GABRQ: variants seen among roughly 807,000 people sequenced by gnomAD.
GABRQ encodes the protein gamma-aminobutyric acid receptor subunit theta.
GABRQ carries 19 observed loss-of-function variants against 30.5 expected under a neutral mutation model. The ratio of observed to expected loss-of-function variants is 0.62; its 90% CI spans 0.43 to 0.91. The LOEUF (loss-of-function observed/expected upper bound fraction) is 0.91. GABRQ is among the 40% of genes least tolerant of loss of function. GABRQ has a pLI of 0.00. For synonymous variants in GABRQ, 187 were observed against 210.2 expected (o/e 0.89, Z 0.95); for missense variants, 520 against 521.4 (o/e 1.00, Z 0.03).
intron 3 of GABRQ, 47 bp downstream of exon 3, chrX:152,645,641 A>G: frequency 1.4e-6 from 1 of 727,809 alleles, no homozygotes; most frequent in Non-Finnish European, 2.2e-6. Flanking sequence ...GAGGACATGG[A>G]ACAAGCAGCA....
rs782726466 is a variant in GABRQ, at chrX:152,652,627, T to G, written c.1245T>G (p.Gly415=). The part of the protein sequence containing the change: ...QAPLASPESL[G]SLTSTSEQAQ... Reference sequence around the variant, plus strand: ...CCCTGGCAAGCCCGGAAAGCCTCGGTTCTTTGACGTCCACCTCCGAGCAGG... The same window carrying G: ...CCCTGGCAAGCCCGGAAAGCCTCGGGTCTTTGACGTCCACCTCCGAGCAGG... Residue 415 remains glycine, a synonymous_variant, in exon 9 of 9, where the codon GGT becomes GGG. Transcript: ENST00000598523. The G allele has an allele frequency of 4.1e-6, 5 of 1,209,599 alleles. No homozygotes were observed. Among genetic ancestry groups the G allele is most frequent in the Non-Finnish European group, 4.5e-6 (4 of 894,215 alleles).
Position 152,652,743 on chromosome X carries a change from C to T in GABRQ, c.1361C>T (p.Pro454Leu), listed in dbSNP as rs782416882. ...LATGESLSDLPSTSEQARHSY... is the reference protein window; with the variant it reads ...LATGESLSDLLSTSEQARHSY... ...ACTGGAGAAAGCCTGAGCGATCTCC[C>T]CTCCACCTCAGAGCAGGCCCGGCAC... Residue 454 changes from proline to leucine, a missense_variant, in exon 9 of 9, where the codon CCC becomes CTC. Transcript: ENST00000598523. 1.1e-5 allele frequency: 13 copies of T among 1,209,564 alleles called. No individual in the cohort carries two copies. In the Admixed American group the frequency reaches 2.4e-4, roughly 22 times the overall value.
chrX:152,654,964 T>C lies in GABRQ; in HGVS notation c.*1683T>C, dbSNP rs1931120604. 1 of 112,539 alleles carries C rather than the reference T, an allele frequency of 8.9e-6. No homozygotes were observed. The highest frequency in any genetic ancestry group is 9.4e-5 in the Admixed American group (1 of 10,671). 9.3% of individuals were successfully genotyped at this position (112,539 alleles called of 1,213,427 possible). On this transcript the variant is annotated 3_prime_UTR_variant, in exon 9 of 9. Transcript: ENST00000598523. The stretch of plus-strand genomic sequence containing the variant: ...CGTGTCTAGTGGTGTAAATCTACAT[T>C]GGTGTGTACAGAATTGTATCTACAG...
chrX:152,643,142 C>G (rs1007847480), intron 2 of GABRQ, among the ~76,000 whole-genome samples: 1 of 112,191 alleles, frequency 8.9e-6, no homozygotes, highest in Non-Finnish European at 1.9e-5. Context: ...TGTTGCCTGC[C>G]TAACACAGCT....
chrX:152,652,615 G>A lies in GABRQ; in HGVS notation c.1233G>A (p.Pro411=), dbSNP rs782366909. The change falls in exon 9 of 9, where the codon CCG becomes CCA. Residue 411 remains proline, a synonymous_variant. Coordinates refer to ENST00000598523, the MANE Select transcript of GABRQ (RefSeq NM_018558.4). ...CAGCGCAGGCCCCCCTGGCAAGCCC[G>A]GAAAGCCTCGGTTCTTTGACGTCCA... ...ITPAQAPLAS[P]ESLGSLTSTS... is the part of the protein sequence containing the mutation. 6 of 1,210,428 alleles carry A rather than the reference G, an allele frequency of 5.0e-6. No individual in the cohort carries two copies. Among genetic ancestry groups the A allele is most frequent in the South Asian group, 3.5e-5 (2 of 56,915 alleles).
chrX:152,640,253 G>A, intron 1 of GABRQ, 125 bp from the exon 2 acceptor site: 5 of 523,874 alleles, frequency 9.5e-6, no homozygotes, highest in Non-Finnish European at 1.4e-5. Flanking sequence ...CAGGGAGAGA[G>A]AGTGTGTACA....
chrX:152,656,725 T>C lies in GABRQ; in HGVS notation c.*3444T>C, dbSNP rs1931156896. The C allele has an allele frequency of 8.9e-6, 1 of 112,434 alleles. No homozygotes were observed. Among genetic ancestry groups the C allele is most frequent in the African/African-American group, 3.2e-5 (1 of 30,900 alleles). 9.3% of individuals were successfully genotyped at this position (112,434 alleles called of 1,213,427 possible). A position where few individuals can be genotyped will look rare whatever the true frequency, so the allele number is the denominator to read the frequency against. ...AGGTTTCCTCATTCCATATATATAA[T>C]AGCTAACCCTTAAAGCCATTAACTA... On this transcript the variant is annotated 3_prime_UTR_variant, in exon 9 of 9. Transcript: ENST00000598523.
In GABRQ at chrX:152,656,260, C is replaced by T. The variant is rs1343309177; in HGVS notation, c.*2979C>T. 1.8e-5 allele frequency: 2 copies of T among 110,598 alleles called. No homozygotes were observed. Among genetic ancestry groups the T allele is most frequent in the Non-Finnish European group, 3.8e-5 (2 of 52,863 alleles). The allele number at this position is 110,598 out of a possible 1,213,427, so 9.1% of individuals were successfully genotyped here. On this transcript the variant is annotated 3_prime_UTR_variant, in exon 9 of 9. Transcript: ENST00000598523. Reference sequence around the variant, plus strand: ...CTGCAGTCACCCCCTGTCCAGCAAGCTGCCTCCATCCCATCCCTCTCCTCA... The same window carrying T: ...CTGCAGTCACCCCCTGTCCAGCAAGTTGCCTCCATCCCATCCCTCTCCTCA...
chrX:152,645,491 C>T, intron 2 of GABRQ, 36 bp from the exon 3 acceptor site: 1 of 886,021 alleles, frequency 1.1e-6, no homozygotes, highest in Non-Finnish European at 1.7e-6. Context: ...AACCTTTATT[C>T]TACCTTTCGT....
chrX:152,645,537 G>A lies in GABRQ; in HGVS notation c.249G>A (p.Val83=), dbSNP rs1930867428. 4 of 1,113,025 alleles carry A rather than the reference G, an allele frequency of 3.6e-6. No individual in the cohort carries two copies. The highest frequency in any genetic ancestry group is 1.8e-5 in the African/African-American group (1 of 55,489). 91.7% of individuals were successfully genotyped at this position (1,113,025 alleles called of 1,213,427 possible). A position where few individuals can be genotyped will look rare whatever the true frequency, so the allele number is the denominator to read the frequency against. ...RLRPNFGGAP[V]PVRISIYVTS... Reference sequence around the variant, plus strand: ...CTTTCTGTCTTCTAGGTGCCCCTGTGCCTGTGAGAATATCTATTTATGTCA... The same window carrying A: ...CTTTCTGTCTTCTAGGTGCCCCTGTACCTGTGAGAATATCTATTTATGTCA... Residue 83 remains valine (V), a synonymous_variant, in exon 3 of 9, where the codon GTG becomes GTA. Coordinates refer to ENST00000598523, the MANE Select transcript of GABRQ (RefSeq NM_018558.4).
chrX:152,652,460 T>C, intron 8 of GABRQ, 81 bp from the exon 9 acceptor site: 1 of 800,934 alleles, frequency 1.2e-6, no homozygotes. Context: ...ATGAGGGAAG[T>C]CCCTTCCCTC....
Position 152,640,424 on chromosome X carries a change from G to T in GABRQ, c.196G>T (p.Val66Leu), listed in dbSNP as rs1930729358. 1 of 1,202,735 alleles carries T rather than the reference G, an allele frequency of 8.3e-7. No homozygotes were observed. The highest frequency in any genetic ancestry group is 1.1e-6 in the Non-Finnish European group (1 of 887,228). Residue 66 changes from valine to leucine, a missense_variant, in exon 2 of 9, where the codon GTG (valine) becomes TTG (leucine). Physicochemically the swap from Val to Leu is conservative, Grantham distance 32. Transcript: ENST00000598523. ...EAVVQKILDR[V>L]LSRYDVRLRP... ...TGTGGTTCAAAAGATTTTGGACAGG[G>T]TGCTGTCAAGATACGATGTCCGCCT...
Position 152,649,333 on chromosome X carries a change from T to C in GABRQ, c.610T>C (p.Tyr204His). Residue 204 changes from tyrosine to histidine, a missense_variant and splice_region_variant, in exon 5 of 9, where the codon TAT becomes CAT. Physicochemically the swap from Tyr to His is moderately conservative, Grantham distance 83 (BLOSUM62 2). Coordinates refer to ENST00000598523, the MANE Select transcript of GABRQ (RefSeq NM_018558.4). ...KQACNLVVESYGYTVEDIILF... is the reference protein window; with the variant it reads ...KQACNLVVESHGYTVEDIILF... ...GGCCTGCAACCTGGTGGTAGAGAGC[T>C]GTACGTATGTCTCCTATGGCCCCTT... The C allele has an allele frequency of 9.2e-7, 1 of 1,082,339 alleles. No individual in the cohort carries two copies. Among genetic ancestry groups the C allele is most frequent in the Non-Finnish European group, 1.3e-6 (1 of 777,011 alleles). The allele number at this position is 1,082,339 out of a possible 1,213,427, so 89.2% of individuals were successfully genotyped here. A position where few individuals can be genotyped will look rare whatever the true frequency, so the allele number is the denominator to read the frequency against.
chrX:152,658,493 G>A (rs1556821402), downstream of GABRQ, among the ~76,000 whole-genome samples: 1 of 112,048 alleles, frequency 8.9e-6, no homozygotes, highest in African/African-American at 3.3e-5. Flanking sequence ...AGGGGCGCTG[G>A]TACAACTGTG....
Position 152,653,092 on chromosome X carries a change from A to G in GABRQ, c.1710A>G (p.Gln570=). 3 of 1,208,043 alleles carry G rather than the reference A, an allele frequency of 2.5e-6. No homozygotes were observed. Among genetic ancestry groups the G allele is most frequent in the Non-Finnish European group, 3.4e-6 (3 of 891,763 alleles). Residue 570 remains glutamine (Q), a synonymous_variant, in exon 9 of 9, where the codon CAA becomes CAG. Coordinates refer to ENST00000598523, the MANE Select transcript of GABRQ (RefSeq NM_018558.4). ...LNDDELMAHG[Q]EKDSSSESED... Reference sequence around the variant, plus strand: ...ATGATGAGCTCATGGCCCATGGCCAAGAGAAGGACAGTAGCTCAGAGTCTG... The same window carrying G: ...ATGATGAGCTCATGGCCCATGGCCAGGAGAAGGACAGTAGCTCAGAGTCTG...
chrX:152,647,160 C>T lies in GABRQ; in HGVS notation c.519C>T (p.Tyr173=), dbSNP rs1556819367. 5.0e-6 allele frequency: 6 copies of T among 1,193,660 alleles called. No homozygotes were observed. In the South Asian group the frequency reaches 5.3e-5, roughly 11 times the overall value. The part of the protein sequence containing the change: ...FQLHPDGTVR[Y]GIRLTTTAAC... Reference sequence around the variant, plus strand: ...TTCACCCAGATGGAACGGTGCGGTACGGCATCCGGTGAGTCCCCTAGGGGT... The same window carrying T: ...TTCACCCAGATGGAACGGTGCGGTATGGCATCCGGTGAGTCCCCTAGGGGT... Residue 173 remains tyrosine, a synonymous_variant, in exon 4 of 9, where the codon TAC becomes TAT. Coordinates refer to ENST00000598523, the MANE Select transcript of GABRQ (RefSeq NM_018558.4).
chrX:152,640,171 G>T (rs1556818106), intron 1 of GABRQ, among the ~76,000 whole-genome samples: 5 of 67,517 alleles, frequency 7.4e-5, no homozygotes, highest in Admixed American at 2.5e-4. Flanking sequence ...CTGGGAAGGT[G>T]GGGGGGGGAG....
At chrX:152,649,476 G>A (rs1930965783) in intron 5 of GABRQ, 143 bp downstream of exon 5, 8 of 476,753 alleles carry the variant, frequency 1.7e-5, no homozygotes, top group Non-Finnish European at 3.0e-5. Flanking sequence ...ATAAATAGAC[G>A]ATAGAGGATA....
In GABRQ at chrX:152,652,830, G is replaced by A. The variant is rs368659256; in HGVS notation, c.1448G>A (p.Arg483His). 4.2e-5 allele frequency: 51 copies of A among 1,209,065 alleles called. No homozygotes were observed. Among genetic ancestry groups the A allele is most frequent in the South Asian group, 5.3e-5 (3 of 56,823 alleles). The change falls in exon 9 of 9, where the codon CGC becomes CAC. Residue 483 changes from arginine (R) to histidine (H), a missense_variant. Arg to His is a conservative substitution (Grantham distance 29, BLOSUM62 0). Transcript: ENST00000598523. ...ADDSIIPTEI[R>H]NRVEAHGHGV... ...GACAGTATTATTCCTACCGAAATCC[G>A]CAACCGTGTCGAAGCCCATGGCCAT...
Sources: allele counts gnomAD v4.1 joint callset (sites outside exome capture counted in the v4.1 genomes callset), GRCh38; gene constraint gnomAD v4.1.1; transcripts MANE v1.5; gene names NCBI Gene and HGNC (gene_info 2026-07-23, HGNC 2026-07-21).